The following MTBP variants were observed in gnomAD, a reference collection of about 807,000 sequenced individuals.
MTBP encodes MDM2 binding protein.
Under a neutral mutation model 117.0 loss-of-function variants are expected in MTBP, and 101 were observed. The ratio of observed to expected loss-of-function variants is 0.86; its 90% CI spans 0.73 to 1.02. The LOEUF is 1.02. MTBP is among the 50% of genes least tolerant of loss of function. The probability of loss-of-function intolerance (pLI) is 0.00; values close to 1 mark genes in which losing one functional copy is unlikely to be tolerated. For synonymous variants in MTBP, 350 were observed against 351.5 expected (o/e 1.00, Z 0.05); for missense variants, 970 against 1,030.9 (o/e 0.94, Z 0.81).
chr8:120,516,114 A>G lies in MTBP; in HGVS notation c.2169A>G (p.Leu723=). Residue 723 remains leucine, a synonymous_variant, in exon 18 of 22, where the codon TTA becomes TTG. Transcript: ENST00000305949. ...DPGSVPDGEV[L]QNELRTEVSR... Reference sequence around the variant, plus strand: ...GAAGTGTCCCTGACGGAGAAGTTTTACAAAATGAACTTCGAACTGAAGTAT... The same window carrying G: ...GAAGTGTCCCTGACGGAGAAGTTTTGCAAAATGAACTTCGAACTGAAGTAT... The G allele has an allele frequency of 2.5e-6, 4 of 1,612,860 alleles. No homozygotes were observed. Among genetic ancestry groups the G allele is most frequent in the Non-Finnish European group, 3.4e-6 (4 of 1,179,106 alleles).
intron 1 of MTBP, among the ~76,000 whole-genome samples, chr8:120,445,883 T>C (rs1274053401): frequency 6.6e-6 from 1 of 152,198 alleles, no homozygotes; most frequent in African/African-American, 2.4e-5. Context: ...AATATATGCA[T>C]TTATTATTTC....
At chr8:120,483,291 G>A (rs1323705847) in intron 11 of MTBP, among the ~76,000 whole-genome samples, 1 of 151,826 alleles carries the variant, frequency 6.6e-6, no homozygotes, top group Non-Finnish European at 1.5e-5. Flanking sequence ...AAAGAGTATA[G>A]CCTCCTAAGA....
At chr8:120,480,198 AG>A (rs2130565367) in intron 11 of MTBP, among the ~76,000 whole-genome samples, 1 of 151,682 alleles carries the variant, frequency 6.6e-6, no homozygotes, top group South Asian at 2.1e-4. Flanking sequence ...CAGGAGTTCA[AG>A]ACCAGCCTGG....
intron 10 of MTBP, among the ~76,000 whole-genome samples, chr8:120,464,527 TATTATA>T (rs991255873): frequency 4.6e-5 from 7 of 151,942 alleles, no homozygotes; most frequent in East Asian, 1.9e-4. Flanking sequence ...AGAAAGTGAT[TATTATA>T]ATTATAACAG....
intron 11 of MTBP, chr8:120,471,835 T>G (rs1241563622): frequency 6.6e-6 from 1 of 152,164 alleles, no homozygotes; most frequent in Non-Finnish European, 1.5e-5. Context: ...TCTTTACCAC[T>G]ACACTGTGTT....
chr8:120,522,827 C>A, intron 21 of MTBP, 108 bp downstream of exon 21: 1 of 758,074 alleles, frequency 1.3e-6, no homozygotes, highest in South Asian at 2.3e-5. Context: ...TGGTCTTTTT[C>A]AACTCTGTCC....
intron 9 of MTBP, among the ~76,000 whole-genome samples, chr8:120,462,225 A>T (rs975312336): frequency 1.3e-5 from 2 of 152,220 alleles, no homozygotes; most frequent in African/African-American, 4.8e-5. Context: ...TAAATTTTAG[A>T]TCATGCTGGT....
At chr8:120,505,550 C>G (rs1022059684) in intron 15 of MTBP, among the ~76,000 whole-genome samples, 2 of 151,804 alleles carry the variant, frequency 1.3e-5, no homozygotes, top group African/African-American at 4.8e-5. Context: ...TTTTATTGAC[C>G]CTTAATATAC....
chr8:120,511,990 A>G (rs1313519586), intron 17 of MTBP, among the ~76,000 whole-genome samples: 1 of 152,148 alleles, frequency 6.6e-6, no homozygotes, highest in African/African-American at 2.4e-5. Flanking sequence ...TTTTAAATAT[A>G]TACACATTTA....
rs2130517638 is a variant in MTBP at position 120,455,595 on chromosome 8, CATA to C, written c.629+17_629+19del. The C allele has an allele frequency of 6.2e-7, 1 of 1,601,362 alleles. No homozygotes were observed. The highest frequency in any genetic ancestry group is 2.2e-5 in the East Asian group (1 of 44,500). On this transcript the variant is annotated intron_variant, in intron 6 of 21. Transcript: ENST00000305949. The stretch of plus-strand genomic sequence containing the variant: ...ATTGTGAAATGTAAGCTTCTTTGTT[CATA>C]TTTGATTATTGTCTGCCTTGTCTGT...
chr8:120,466,144 A>T (rs1238260678), intron 10 of MTBP, among the ~76,000 whole-genome samples: 1 of 151,912 alleles, frequency 6.6e-6, no homozygotes, highest in African/African-American at 2.4e-5. Flanking sequence ...TATGTAACTT[A>T]GAAAACAAAT....
At chr8:120,486,767 C>T (rs1814227234) in intron 11 of MTBP, among the ~76,000 whole-genome samples, 3 of 152,250 alleles carry the variant, frequency 2.0e-5, no homozygotes, top group South Asian at 2.1e-4. Context: ...TGAAGTGCTT[C>T]GGACTCTTAA....
At chr8:120,489,698 A>G (rs60062153) in intron 12 of MTBP, among the ~76,000 whole-genome samples, 2,169 of 152,272 alleles carry the variant, frequency 0.014, 60 homozygotes, top group African/African-American at 0.049. Context: ...ATAGGCAGCA[A>G]GGAACAAAAG....
At chr8:120,474,054 T>C (rs1186752836) in intron 11 of MTBP, 1 of 151,862 alleles carries the variant, frequency 6.6e-6, no homozygotes, top group African/African-American at 2.4e-5. Flanking sequence ...GGCGTGGGGG[T>C]TTTTTTGGCC....
rs146201824 is a variant in MTBP, at chr8:120,466,742, C to T, written c.1047+2981C>T. Reference sequence around the variant, plus strand: ...ACAAAAAATTAGCCGGGCAAGGAGGCGCTTGCCTGTAGTCCCAGCTATGCG... The same window carrying T: ...ACAAAAAATTAGCCGGGCAAGGAGGTGCTTGCCTGTAGTCCCAGCTATGCG... On this transcript the variant is annotated intron_variant, in intron 10 of 21. Coordinates refer to ENST00000305949, the MANE Select transcript of MTBP (RefSeq NM_022045.5). 3.9e-4 allele frequency among the ~76,000 whole-genome samples: 59 copies of T among 151,918 alleles called. 4 individuals are homozygous for T. The East Asian group carries it at 8.1e-3, about 21-fold the overall frequency.
At chr8:120,469,786 A>G (rs1813779616) in intron 10 of MTBP, among the ~76,000 whole-genome samples, 1 of 152,274 alleles carries the variant, frequency 6.6e-6, no homozygotes, top group African/African-American at 2.4e-5. Context: ...CACTTATTTA[A>G]GAACATATTC....
intron 20 of MTBP, among the ~76,000 whole-genome samples, chr8:120,520,636 A>G (rs1472287225): frequency 6.6e-6 from 1 of 152,170 alleles, no homozygotes; most frequent in Non-Finnish European, 1.5e-5. Context: ...CATGGAGAGA[A>G]CATTTTCTAA....
At chr8:120,472,068 C>T (rs1425639834) in intron 11 of MTBP, 1 of 151,798 alleles carries the variant, frequency 6.6e-6, no homozygotes, top group Admixed American at 6.6e-5. Flanking sequence ...TTTTTTTTAG[C>T]TTATAGTTTT....
At chr8:120,503,470 T>C (rs533780646) in intron 15 of MTBP, among the ~76,000 whole-genome samples, 300 of 152,264 alleles carry the variant, frequency 2.0e-3, no homozygotes, top group African/African-American at 6.9e-3. Flanking sequence ...GTGGTAGTAC[T>C]CACTTAGATG....
Sources: gnomAD v4.1 joint callset for allele counts (sites outside exome capture counted in the v4.1 genomes callset) on GRCh38, gnomAD v4.1.1 for gene constraint, MANE v1.5 for transcripts, NCBI Gene and HGNC (gene_info 2026-07-23, HGNC 2026-07-21) for gene names.